Variants in IL3RA observed in about 807,000 individuals in gnomAD.
The protein encoded by IL3RA is interleukin 3 receptor subunit alpha.
IL3RA carries 73 observed loss-of-function variants against 52.3 expected under a neutral mutation model. That is an observed-to-expected ratio of 1.40 (90% confidence interval 1.16 to 1.70). IL3RA has a LOEUF of 1.70. IL3RA is among the 40% of genes most tolerant of loss of function. IL3RA has a pLI of 0.00. For missense variants in IL3RA, 664 were observed against 504.4 expected (o/e 1.32, Z -3.03); for synonymous variants, 260 against 194.0 (o/e 1.34, Z -2.83).
intron 3 of IL3RA, among the ~76,000 whole-genome samples, chrX:1,346,916 C>G (rs1164656804): frequency 1.3e-5 from 2 of 151,268 alleles, no homozygotes; most frequent in Non-Finnish European, 2.9e-5. Flanking sequence ...AAATCCTACC[C>G]CCAGCTCCAA....
At chrX:1,343,650 G>C (rs1232525509) in intron 2 of IL3RA, among the ~76,000 whole-genome samples, 27 of 129,490 alleles carry the variant, frequency 2.1e-4, no homozygotes, top group Admixed American at 1.6e-4. Flanking sequence ...CTGGGTGACA[G>C]AGCGAGGCTC....
chrX:1,345,662 T>C (rs1377437486), intron 3 of IL3RA, among the ~76,000 whole-genome samples: 1 of 151,524 alleles, frequency 6.6e-6, no homozygotes, highest in Non-Finnish European at 1.5e-5. Flanking sequence ...GCTAATTTTT[T>C]TGTATTTTTA....
intron 9 of IL3RA, 91 bp from the exon 10 acceptor site, chrX:1,378,568 C>T (rs1371000642): frequency 1.8e-6 from 2 of 1,134,202 alleles, no homozygotes; most frequent in Non-Finnish European, 2.6e-6. Context: ...GCAGCCACCT[C>T]TCTGCTTCCC....
rs2087430821 is a variant in IL3RA at position 1,361,944 on chromosome X, T to C, written c.759+3057T>C. 3.3e-5 allele frequency among the ~76,000 whole-genome samples: 5 copies of C among 151,836 alleles called. No homozygotes were observed. The South Asian group carries it at 1.0e-3, about 32-fold the overall frequency. On this transcript the variant is annotated intron_variant, in intron 8 of 11. Transcript: ENST00000331035. ...ATAAGGGCTACAATTCAAGATGAGA[T>C]TTGGGTGGGGACACAGCCAAACTAC...
intron 6 of IL3RA, among the ~76,000 whole-genome samples, 198 bp downstream of exon 6, chrX:1,352,704 A>G (rs1207413338): frequency 1.3e-5 from 2 of 152,148 alleles, no homozygotes; most frequent in Non-Finnish European, 2.9e-5. Flanking sequence ...AGAGAGGGTC[A>G]TCTTCTCACT....
chrX:1,351,289 T>C (rs2086071329), intron 4 of IL3RA, among the ~76,000 whole-genome samples: 1 of 152,010 alleles, frequency 6.6e-6, no homozygotes, highest in Admixed American at 6.6e-5. Context: ...GTATCTACCA[T>C]GGTCTCAAAA....
chrX:1,340,099 CTCTT>C (rs1350645372), intron 1 of IL3RA, among the ~76,000 whole-genome samples: 2 of 143,094 alleles, frequency 1.4e-5, no homozygotes, highest in African/African-American at 2.5e-5. Flanking sequence ...AGGGCAGCAA[CTCTT>C]TCTTTTCTTT....
chrX:1,355,945 G>A (rs2086673693), intron 6 of IL3RA, among the ~76,000 whole-genome samples: 1 of 152,120 alleles, frequency 6.6e-6, no homozygotes, highest in East Asian at 1.9e-4. Flanking sequence ...GTACTTCAGA[G>A]AACAAAAGGG....
intron 8 of IL3RA, among the ~76,000 whole-genome samples, chrX:1,364,443 T>C (rs763019062): frequency 6.0e-5 from 9 of 150,872 alleles, no homozygotes; most frequent in African/African-American, 1.7e-4. Context: ...GTGAGCCGAG[T>C]TGGTGCCACT....
rs1411106418 is a variant in IL3RA at position 1,348,708 on chromosome X, TTCTGTTTC to T, written c.298+165_298+172del. ...TTTCTTTCTTTTTCTTTCTTTCTGT[TTCTGTTTC>T]TTTCTTCCTTTCTTTTTCTTTCTTT... On this transcript the variant is annotated intron_variant, in intron 4 of 11. Transcript: ENST00000331035. 6.2e-5 allele frequency among the ~76,000 whole-genome samples: 6 copies of T among 96,344 alleles called. 1 individual carries two copies. Among genetic ancestry groups the T allele is most frequent in the Non-Finnish European group, 1.2e-4 (6 of 48,840 alleles). The allele number at this position is 96,344 out of a possible 152,430, so 63.2% of individuals were successfully genotyped here.
At chrX:1,351,327 G>C in intron 4 of IL3RA, among the ~76,000 whole-genome samples, 1 of 79,074 alleles carries the variant, frequency 1.3e-5, no homozygotes. Context: ...AAAGGAATTA[G>C]AGTTTTATTT....
intron 4 of IL3RA, among the ~76,000 whole-genome samples, chrX:1,350,713 A>C (rs1253386296): frequency 2.0e-5 from 3 of 150,108 alleles, no homozygotes; most frequent in African/African-American, 4.9e-5. Flanking sequence ...CATCCCGGCT[A>C]ACATGGTGAA....
At chrX:1,345,559 C>A in intron 3 of IL3RA, 125 bp downstream of exon 3, 1 of 544,852 alleles carries the variant, frequency 1.8e-6, no homozygotes, top group Non-Finnish European at 2.9e-6. Flanking sequence ...ACCCGATCTC[C>A]GCTCTCTGCA....
intron 9 of IL3RA, among the ~76,000 whole-genome samples, chrX:1,378,439 G>A (rs1388219599): frequency 2.6e-5 from 4 of 152,158 alleles, no homozygotes; most frequent in Admixed American, 2.6e-4. Context: ...GGGGCTGGGA[G>A]GTCCGGAAGT....
At chrX:1,359,018 A>AC in intron 8 of IL3RA, 131 bp downstream of exon 8, 8 of 675,756 alleles carry the variant, frequency 1.2e-5, no homozygotes, top group South Asian at 1.1e-4. Context: ...ATTAATAATA[A>AC]ATGTTATTAT....
intron 7 of IL3RA, among the ~76,000 whole-genome samples, chrX:1,357,903 C>T (rs1569523921): frequency 6.7e-6 from 1 of 149,712 alleles, no homozygotes; most frequent in Non-Finnish European, 1.5e-5. Flanking sequence ...GAGATAGAGA[C>T]CATCCTGGCT....
chrX:1,345,841 C>G (rs184308411), intron 3 of IL3RA, among the ~76,000 whole-genome samples: 87 of 152,096 alleles, frequency 5.7e-4, no homozygotes, highest in Non-Finnish European at 1.2e-3. Context: ...GCAGGAATCT[C>G]AGAACCAATA....
chrX:1,373,896 C>A (rs1162238353), intron 9 of IL3RA, among the ~76,000 whole-genome samples: 1,097 of 43,140 alleles, frequency 0.025, no homozygotes, highest in Middle Eastern at 0.1. Context: ...AGGAACCAGC[C>A]CTGCCCACAC....
chrX:1,361,775 AAAT>A (rs1333806241), intron 8 of IL3RA, among the ~76,000 whole-genome samples: 17 of 151,442 alleles, frequency 1.1e-4, no homozygotes, highest in African/African-American at 3.6e-4. Flanking sequence ...AAAAAAAAAA[AAAT>A]GAGAGCCGAG....
Sources: allele counts gnomAD v4.1 joint callset (sites outside exome capture counted in the v4.1 genomes callset), GRCh38; gene constraint gnomAD v4.1.1; transcripts MANE v1.5; gene names NCBI Gene and HGNC (gene_info 2026-07-23, HGNC 2026-07-21).